The following SLC41A2 variants were observed in gnomAD, a reference collection of about 807,000 sequenced individuals.
SLC41A2 encodes SLC41A1-like 1.
Under a neutral mutation model 58.3 loss-of-function variants are expected in SLC41A2, and 32 were observed. That is an observed-to-expected ratio of 0.55 (90% CI 0.41 to 0.74). SLC41A2 has a LOEUF of 0.74. SLC41A2 is among the 30% of genes least tolerant of loss of function. The probability of loss-of-function intolerance (pLI) is 0.00; values close to 1 mark genes in which losing one functional copy is unlikely to be tolerated. For synonymous variants in SLC41A2, 190 were observed against 235.0 expected, an observed-to-expected ratio of 0.81 and a Z score of 1.75; for missense variants, 514 against 680.6, an observed-to-expected ratio of 0.76 and a Z score of 2.72.
chr12:104,908,688 C>T (rs888489782), intron 3 of SLC41A2, among the ~76,000 whole-genome samples: 1 of 152,116 alleles, frequency 6.6e-6, no homozygotes, highest in Non-Finnish European at 1.5e-5. Context: ...AATGGCAAAC[C>T]CCAAAATCAT....
chr12:104,900,183 T>C (rs528437507), intron 3 of SLC41A2, among the ~76,000 whole-genome samples: 1 of 152,204 alleles, frequency 6.6e-6, no homozygotes, highest in Non-Finnish European at 1.5e-5. Context: ...CATTGTAGTA[T>C]GGTCTTTTAA....
chr12:104,846,668 C>T (rs902232638), intron 8 of SLC41A2, among the ~76,000 whole-genome samples: 2 of 152,192 alleles, frequency 1.3e-5, no homozygotes, highest in Non-Finnish European at 2.9e-5. Flanking sequence ...CAGCAACTGA[C>T]TGTTGGGGGA....
At position 104,945,086 on chromosome 12, in the gene SLC41A2, G is replaced by A. The variant is rs138825694; in HGVS notation, c.-168+13002C>T. On this transcript the variant is annotated intron_variant, in intron 1 of 10. Coordinates refer to ENST00000258538, the MANE Select transcript of SLC41A2 (RefSeq NM_001352171.3). ...CTCGGGAGGCTGAGGCAGGAGAATCGTTTGAACCCAGGAGGCAAGGTTGCA... is the reference window on the plus strand; with the variant it reads ...CTCGGGAGGCTGAGGCAGGAGAATCATTTGAACCCAGGAGGCAAGGTTGCA... Among the ~76,000 whole-genome samples the A allele has an allele frequency of 9.3e-4, 141 of 151,938 alleles. 4 individuals carry two copies. In the East Asian group the frequency reaches 0.024, roughly 26 times the overall value.
intron 1 of SLC41A2, chr12:104,931,867 T>C (rs2047065431): frequency 6.6e-6 from 1 of 152,246 alleles, no homozygotes; most frequent in Admixed American, 6.5e-5. Context: ...ACCATTTAGT[T>C]AAAACCCACT....
chr12:104,893,675 A>G (rs928662576), intron 4 of SLC41A2, among the ~76,000 whole-genome samples: 6 of 152,258 alleles, frequency 3.9e-5, no homozygotes, highest in Non-Finnish European at 8.8e-5. Flanking sequence ...CTATTCAGCC[A>G]TAAAAAAGAA....
chr12:104,914,123 T>C (rs946716799), intron 2 of SLC41A2, among the ~76,000 whole-genome samples: 3 of 152,138 alleles, frequency 2.0e-5, no homozygotes, highest in African/African-American at 4.8e-5. Context: ...CCAAACTTTC[T>C]CAGTTCACGG....
intron 8 of SLC41A2, among the ~76,000 whole-genome samples, chr12:104,847,264 C>A (rs2042631512): frequency 1.3e-5 from 2 of 151,878 alleles, no homozygotes; most frequent in Admixed American, 1.3e-4. Flanking sequence ...GGCATTCTAA[C>A]AGGGAATATT....
At chr12:104,934,252 A>G (rs2047178725) in intron 1 of SLC41A2, among the ~76,000 whole-genome samples, 1 of 152,236 alleles carries the variant, frequency 6.6e-6, no homozygotes, top group South Asian at 2.1e-4. Context: ...GTGCTTAAAG[A>G]GTGCCATTGG....
At chr12:104,846,319 T>C (rs752846172) in intron 8 of SLC41A2, among the ~76,000 whole-genome samples, 4 of 152,178 alleles carry the variant, frequency 2.6e-5, no homozygotes, top group Non-Finnish European at 5.9e-5. Flanking sequence ...CTTACTCAAA[T>C]AGATAAAGCT....
At chr12:104,913,520 G>A (rs2046174931) in intron 2 of SLC41A2, among the ~76,000 whole-genome samples, 1 of 152,008 alleles carries the variant, frequency 6.6e-6, no homozygotes, top group Non-Finnish European at 1.5e-5. Flanking sequence ...CTCATGAAGG[G>A]GTATGAAGTT....
chr12:104,894,322 C>T (rs1206641887), intron 4 of SLC41A2, among the ~76,000 whole-genome samples: 8 of 150,628 alleles, frequency 5.3e-5, no homozygotes, highest in Non-Finnish European at 7.4e-5. Context: ...TACTGCACTC[C>T]ACCCTGGGCA....
intron 10 of SLC41A2, among the ~76,000 whole-genome samples, chr12:104,821,919 A>C (rs2041652546): frequency 6.6e-6 from 1 of 152,214 alleles, no homozygotes; most frequent in Non-Finnish European, 1.5e-5. Flanking sequence ...ACAATTTAGA[A>C]TTTTAAAAGA....
intron 8 of SLC41A2, among the ~76,000 whole-genome samples, chr12:104,849,746 T>C (rs12312753): frequency 0.015 from 2,340 of 152,294 alleles, 56 homozygotes; most frequent in African/African-American, 0.054. Context: ...GAGGATGGCT[T>C]GAGCCCAAGA....
intron 6 of SLC41A2, among the ~76,000 whole-genome samples, chr12:104,871,328 A>C (rs78142038): frequency 1.3e-5 from 2 of 152,330 alleles, no homozygotes; most frequent in African/African-American, 2.4e-5. Flanking sequence ...ACAGAAAGAA[A>C]GGAGCAACAA....
chr12:104,838,667 T>C (rs776320608), intron 10 of SLC41A2, among the ~76,000 whole-genome samples: 7 of 152,226 alleles, frequency 4.6e-5, no homozygotes, highest in Non-Finnish European at 1.0e-4. Context: ...AAAGAATCTA[T>C]TAAAGCACTT....
At chr12:104,847,603 CAAAAA>C (rs61636915) in intron 8 of SLC41A2, among the ~76,000 whole-genome samples, 2 of 86,400 alleles carry the variant, frequency 2.3e-5, no homozygotes, top group Non-Finnish European at 4.5e-5. Context: ...GACTCTGTCT[CAAAAA>C]AAAAAAAAAA....
chr12:104,801,864 C>G lies in SLC41A2; in HGVS notation c.*3288G>C, dbSNP rs765240789. ...ATATGTATACATAAATTACCCCAGT[C>G]TCTTCTGGGAGATTTCCACACTGGC... On this transcript the variant is annotated 3_prime_UTR_variant, in exon 11 of 11. Coordinates refer to ENST00000258538, the MANE Select transcript of SLC41A2 (RefSeq NM_001352171.3). 6.6e-6 allele frequency among the ~76,000 whole-genome samples: 1 copy of G among 152,298 alleles called. No individual in the cohort carries two copies. Among genetic ancestry groups the G allele is most frequent in the Non-Finnish European group, 1.5e-5 (1 of 68,024 alleles).
rs1487682580 is a variant in SLC41A2, at chr12:104,894,364, AT to A, written c.735+909del. Among the ~76,000 whole-genome samples the A allele has an allele frequency of 4.6e-5, 7 of 152,154 alleles. No homozygotes were observed. The East Asian group carries it at 1.2e-3, about 25-fold the overall frequency. On this transcript the variant is annotated intron_variant, in intron 4 of 10. Coordinates refer to ENST00000258538, the MANE Select transcript of SLC41A2 (RefSeq NM_001352171.3). ...CAAGACCCTGCCTCAAAAAAAAAAA[AT>A]AAATAAAGGAAAAATGTATTTCAAA...
chr12:104,839,648 C>T (rs757400010), intron 10 of SLC41A2, among the ~76,000 whole-genome samples: 10 of 151,934 alleles, frequency 6.6e-5, no homozygotes, highest in East Asian at 1.9e-4. Flanking sequence ...GGATTACAGG[C>T]GTGCACCACC....
Sources: allele counts gnomAD v4.1 joint callset (sites outside exome capture counted in the v4.1 genomes callset), GRCh38; gene constraint gnomAD v4.1.1; transcripts MANE v1.5; gene names NCBI Gene and HGNC (gene_info 2026-07-23, HGNC 2026-07-21).